Variants in RTN4 observed in about 807,000 individuals in gnomAD.
RTN4 encodes the protein reticulon-4.
In RTN4, 32 loss-of-function variants were observed where a neutral mutation model predicts 90.4. That is an observed-to-expected ratio of 0.35 (90% CI 0.27 to 0.48). The LOEUF (loss-of-function observed/expected upper bound fraction) is 0.48. RTN4 is among the 20% of genes least tolerant of loss of function. The pLI is 0.99. For synonymous variants in RTN4, 629 were observed against 552.5 expected (o/e 1.14, Z -1.94); for missense variants, 1,706 against 1,430.2 (o/e 1.19, Z -3.11).
upstream of RTN4, among the ~76,000 whole-genome samples, chr2:55,115,457 T>C (rs560241917): frequency 3.3e-5 from 5 of 152,272 alleles, no homozygotes; most frequent in Admixed American, 6.5e-5. Context: ...CATCTATATA[T>C]ATAGGTAACA....
In RTN4 at chr2:55,026,815, G is replaced by T. The variant is rs867027271; in HGVS notation, c.1284C>A (p.Ser428Arg). ...SKVDKKCFADSLEQTNHEKDS... is the reference protein window; with the variant it reads ...SKVDKKCFADRLEQTNHEKDS... ...CTTTTTCGTGATTAGTTTGCTCAAGGCTATCTGCAAAACATTTTTTATCCA... is the reference window on the plus strand; with the variant it reads ...CTTTTTCGTGATTAGTTTGCTCAAGTCTATCTGCAAAACATTTTTTATCCA... The change falls in exon 3 of 9, where the codon AGC becomes AGA. Residue 428 changes from serine (S) to arginine (R), a missense_variant. Ser to Arg is a moderately radical substitution (Grantham distance 110). Coordinates refer to ENST00000337526, the MANE Select transcript of RTN4 (RefSeq NM_020532.5). 6 of 1,613,826 alleles carry T rather than the reference G, an allele frequency of 3.7e-6. No homozygotes were observed. Among genetic ancestry groups the T allele is most frequent in the African/African-American group, 2.7e-5 (2 of 74,974 alleles).
chr2:55,012,231 A>T (rs561863275), intron 3 of RTN4, among the ~76,000 whole-genome samples: 2 of 152,330 alleles, frequency 1.3e-5, no homozygotes, highest in East Asian at 3.9e-4. Flanking sequence ...TAAAGAAAAA[A>T]GTCTGAGAGG....
At chr2:55,133,972 G>T in the RTN4 span, among the ~76,000 whole-genome samples, 3 of 152,178 alleles carry the variant, frequency 2.0e-5, no homozygotes, top group African/African-American at 7.2e-5. Context: ...TTTTGATGGT[G>T]ATTTCTTAAT....
intron 1 of RTN4, among the ~76,000 whole-genome samples, chr2:55,041,059 ATTTC>A (rs1683041837): frequency 6.7e-6 from 1 of 149,854 alleles, no homozygotes; most frequent in Non-Finnish European, 1.5e-5. Flanking sequence ...TACAGAGAAT[ATTTC>A]TTTCTTTCTC....
chr2:55,099,026 C>T (rs761659634), intron 1 of RTN4, among the ~76,000 whole-genome samples: 10 of 152,198 alleles, frequency 6.6e-5, no homozygotes, highest in South Asian at 2.1e-4. Flanking sequence ...ATTCTTGTTA[C>T]GTTAGCAATC....
chr2:55,048,202 C>G (rs1018056304), intron 1 of RTN4, among the ~76,000 whole-genome samples: 2 of 152,222 alleles, frequency 1.3e-5, no homozygotes, highest in African/African-American at 4.8e-5. Context: ...GTGCAGGGCA[C>G]TGGCCATGAA....
chr2:55,033,810 G>A (rs10180207), intron 1 of RTN4, among the ~76,000 whole-genome samples: 16,172 of 152,062 alleles, frequency 0.11, 1,248 homozygotes, highest in African/African-American at 0.21. Context: ...ATACCTATAT[G>A]CAATGTGTAA....
intron 6 of RTN4, 123 bp downstream of exon 6, chr2:54,974,572 C>T (rs1052682842): frequency 4.8e-5 from 40 of 824,918 alleles, no homozygotes; most frequent in African/African-American, 1.5e-4. Flanking sequence ...TGAGCTACCG[C>T]GCCCGGCCCA....
In RTN4 at chr2:55,059,916, G is replaced by A. The variant is rs187801138; in HGVS notation, c.-63+20573C>T. 9.9e-5 allele frequency among the ~76,000 whole-genome samples: 15 copies of A among 152,140 alleles called. No individual in the cohort carries two copies. The East Asian group carries it at 2.0e-3, about 20-fold the overall frequency. On this transcript the variant is annotated intron_variant, in intron 2 of 3. Transcript: ENST00000427710. ...TGGTCTCTAACTCCTGGGTTCAAGC[G>A]ATCCTCCTGCCTTGGCCTCCCAAAG... is the stretch of plus-strand genomic sequence containing the variant.
At chr2:54,993,074 G>C (rs529140307) in intron 3 of RTN4, among the ~76,000 whole-genome samples, 18 of 79,002 alleles carry the variant, frequency 2.3e-4, no homozygotes, top group Non-Finnish European at 4.3e-4. Context: ...ACTCCATCTC[G>C]GAAAAAAAAA....
At chr2:55,124,183 C>A in the RTN4 span, among the ~76,000 whole-genome samples, 3 of 152,212 alleles carry the variant, frequency 2.0e-5, no homozygotes, top group Admixed American at 6.5e-5. Flanking sequence ...TGAACTTCTT[C>A]ATTCTTTTGG....
In RTN4 at chr2:55,027,473, A is replaced by C. The variant is rs1221617127; in HGVS notation, c.626T>G (p.Leu209Trp). The C allele has an allele frequency of 6.2e-7, 1 of 1,604,038 alleles. No individual in the cohort carries two copies. The change falls in exon 3 of 9, where the codon TTG becomes TGG. Residue 209 changes from leucine (L) to tryptophan (W), a missense_variant. Coordinates refer to ENST00000337526, the MANE Select transcript of RTN4 (RefSeq NM_020532.5). ...VIRSSAENMDLKEQPGNTISA... is the reference protein window; with the variant it reads ...VIRSSAENMDWKEQPGNTISA... ...AATAGTGTTACCTGGCTGCTCCTTC[A>C]AGTCCATATTTTCTGTGACCATGGA...
At chr2:55,032,627 C>T (rs999260358) in intron 1 of RTN4, among the ~76,000 whole-genome samples, 1 of 151,822 alleles carries the variant, frequency 6.6e-6, no homozygotes, top group African/African-American at 2.4e-5. Context: ...AGAAAGTATC[C>T]AAACTGAAAC....
chr2:54,992,611 A>G (rs566102049), intron 3 of RTN4, among the ~76,000 whole-genome samples: 1 of 152,162 alleles, frequency 6.6e-6, no homozygotes, highest in Non-Finnish European at 1.5e-5. Context: ...GACTTTTAAA[A>G]ACTATGTGAA....
At chr2:55,112,364 G>C (rs1460946601) in intron 1 of RTN4, among the ~76,000 whole-genome samples, 1 of 152,200 alleles carries the variant, frequency 6.6e-6, no homozygotes, top group East Asian at 1.9e-4. Flanking sequence ...AAGTCAAGTG[G>C]TGATTAAGCA....
chr2:54,994,327 C>G (rs1679249730), intron 3 of RTN4, among the ~76,000 whole-genome samples: 1 of 152,088 alleles, frequency 6.6e-6, no homozygotes, highest in South Asian at 2.1e-4. Context: ...GCAATAATCC[C>G]CAACAAAATA....
At chr2:55,098,622 G>A (rs556455841) in intron 1 of RTN4, among the ~76,000 whole-genome samples, 4 of 151,952 alleles carry the variant, frequency 2.6e-5, no homozygotes, top group South Asian at 4.2e-4. Context: ...CATCAATATC[G>A]AGTCATTGTT....
chr2:55,098,770 TC>T (rs1241166054), intron 1 of RTN4, among the ~76,000 whole-genome samples: 1 of 152,120 alleles, frequency 6.6e-6, no homozygotes, highest in African/African-American at 2.4e-5. Context: ...GAACCCCCTT[TC>T]TTGCGAATTA....
intron 1 of RTN4, among the ~76,000 whole-genome samples, chr2:55,039,611 C>T (rs542554128): frequency 6.6e-6 from 1 of 152,282 alleles, no homozygotes; most frequent in Non-Finnish European, 1.5e-5. Context: ...GAAACCCCAT[C>T]TCTACTAAAA....
Sources: allele counts gnomAD v4.1 joint callset (sites outside exome capture counted in the v4.1 genomes callset), GRCh38; gene constraint gnomAD v4.1.1; transcripts MANE v1.5; gene names NCBI Gene and HGNC (gene_info 2026-07-23, HGNC 2026-07-21).